TTC31: variants seen among roughly 807,000 people sequenced by gnomAD.
The protein encoded by TTC31 is tetratricopeptide repeat protein 31.
In TTC31, 59 loss-of-function variants were observed where a neutral mutation model predicts 60.4. The ratio of observed to expected loss-of-function variants is 0.98; its 90% CI spans 0.79 to 1.21. TTC31 has a LOEUF of 1.21. TTC31 is among the 50% of genes most tolerant of loss of function. TTC31 has a pLI of 0.00. For synonymous variants in TTC31, 225 were observed against 249.6 expected, an observed-to-expected ratio of 0.90 and a Z score of 0.93; for missense variants, 672 against 646.9, an observed-to-expected ratio of 1.04 and a Z score of -0.42.
chr2:74,485,715 C>A (rs1364228914), intron 2 of TTC31, among the ~76,000 whole-genome samples: 2 of 151,984 alleles, frequency 1.3e-5, no homozygotes, highest in South Asian at 4.1e-4. Flanking sequence ...TGTGATCCGC[C>A]CACCTCAGCC....
Position 74,492,072 on chromosome 2 carries a change from C to G in TTC31, c.928+17C>G, listed in dbSNP as rs1673965661. On this transcript the variant is annotated intron_variant, in intron 9 of 12. Coordinates refer to ENST00000233623, the MANE Select transcript of TTC31 (RefSeq NM_022492.6). Reference sequence around the variant, plus strand: ...AACTGGCAAGTGAGATCCTTTCTCTCTCCGTCCTCACCCCACCCTCCCTGG... The same window carrying G: ...AACTGGCAAGTGAGATCCTTTCTCTGTCCGTCCTCACCCCACCCTCCCTGG... 1 of 1,614,204 alleles carries G rather than the reference C, an allele frequency of 6.2e-7. No homozygotes were observed. The highest frequency in any genetic ancestry group is 8.5e-7 in the Non-Finnish European group (1 of 1,179,994).
intron 2 of TTC31, among the ~76,000 whole-genome samples, chr2:74,487,208 C>T (rs1673221184): frequency 6.6e-6 from 1 of 152,156 alleles, no homozygotes; most frequent in African/African-American, 2.4e-5. Context: ...AGTAGAAGGT[C>T]AAGGAAGTAC....
Position 74,490,268 on chromosome 2 carries a change from A to T in TTC31, c.257A>T (p.Asp86Val). 6.2e-7 allele frequency: 1 copy of T among 1,613,996 alleles called. No homozygotes were observed. Among genetic ancestry groups the T allele is most frequent in the Non-Finnish European group, 8.5e-7 (1 of 1,179,946 alleles). The change falls in exon 4 of 13, where the codon GAT becomes GTT. Residue 86 changes from aspartate (D) to valine (V), a missense_variant. Coordinates refer to ENST00000233623, the MANE Select transcript of TTC31 (RefSeq NM_022492.6). ...GATTACCTCCTGGGCCACTTGGATG[A>T]TGAAGGGAAATCAACTGGACAGAGT... ...HHDYLLGHLD[D>V]EGKSTGQSDR... is the part of the protein sequence containing the mutation.
Position 74,491,635 on chromosome 2 carries a change from C to G in TTC31, c.839C>G (p.Pro280Arg). The change falls in exon 8 of 13, where the codon CCA (proline) becomes CGA (arginine). Residue 280 changes from proline (P) to arginine (R), a missense_variant. By Grantham distance (103) the Pro-to-Arg change is moderately radical. Coordinates refer to ENST00000233623, the MANE Select transcript of TTC31 (RefSeq NM_022492.6). The stretch of plus-strand genomic sequence containing the variant: ...ATGGGTCAAGAGGAAGAGAGCCCTC[C>G]AAGAGAGGAGAGGCCCCAGCAGAGT... ...QKMGQEEESPPREERPQQSPK... is the reference protein window; with the variant it reads ...QKMGQEEESPRREERPQQSPK... 1 of 1,614,170 alleles carries G rather than the reference C, an allele frequency of 6.2e-7. No homozygotes were observed.
At position 74,493,326 on chromosome 2, in the gene TTC31, T is replaced by A. The variant is rs951563224; in HGVS notation, c.*108T>A. The A allele has an allele frequency of 1.7e-5, 20 of 1,143,334 alleles. No homozygotes were observed. The highest frequency in any genetic ancestry group is 2.3e-5 in the Non-Finnish European group (19 of 820,338). 70.8% of individuals were successfully genotyped at this position (1,143,334 alleles called of 1,614,324 possible). A position where few individuals can be genotyped will look rare whatever the true frequency, so the allele number is the denominator to read the frequency against. ...TTTGAGACCTTATTCTCTAGATCCA[T>A]AGTTAATGATGCCCTGGCAGTCATT... On this transcript the variant is annotated 3_prime_UTR_variant, in exon 13 of 13. Transcript: ENST00000233623.
intron 12 of TTC31, 82 bp downstream of exon 12, chr2:74,492,829 CTAAGGAG>C: frequency 1.3e-6 from 2 of 1,590,344 alleles, no homozygotes; most frequent in Non-Finnish European, 1.7e-6. Context: ...CCTCAGGTGG[CTAAGGAG>C]GGGGCGGGGA....
At position 74,483,402 on chromosome 2, in the gene TTC31, G is replaced by C. The variant is rs576108592; in HGVS notation, c.121G>C (p.Gly41Arg). The C allele has an allele frequency of 2.5e-6, 4 of 1,614,200 alleles. No homozygotes were observed. The highest frequency in any genetic ancestry group is 3.4e-6 in the Non-Finnish European group (4 of 1,180,038). ...CAAGGAATTCGGTCCAGAGGATTACGGCGAAGAGGTAAAAGCGACCCTCAG... is the reference window on the plus strand; with the variant it reads ...CAAGGAATTCGGTCCAGAGGATTACCGCGAAGAGGTAAAAGCGACCCTCAG... ...LCKEFGPEDY[G>R]EEDIVDFLRR... Residue 41 changes from glycine (G) to arginine (R), a missense_variant, in exon 2 of 13, where the codon GGC becomes CGC. Physicochemically the swap from Gly to Arg is moderately radical, Grantham distance 125. Transcript: ENST00000233623.
At chr2:74,486,514 A>G (rs1421217896) in intron 2 of TTC31, among the ~76,000 whole-genome samples, 1 of 152,256 alleles carries the variant, frequency 6.6e-6, no homozygotes, top group East Asian at 1.9e-4. Context: ...TAAACAACAT[A>G]GTATGTCAAA....
chr2:74,483,747 C>T (rs754320500), intron 2 of TTC31: 18 of 497,940 alleles, frequency 3.6e-5, no homozygotes, highest in Non-Finnish European at 5.6e-5. Context: ...GAGGCTGAGA[C>T]GGGAGGATTG....
At chr2:74,487,141 T>A (rs1673213004) in intron 2 of TTC31, among the ~76,000 whole-genome samples, 2 of 152,228 alleles carry the variant, frequency 1.3e-5, no homozygotes, top group South Asian at 2.1e-4. Flanking sequence ...CCAGATCATA[T>A]GTAGTGGCCA....
At position 74,491,970 on chromosome 2, in the gene TTC31, T is replaced by C; in HGVS notation, c.877-34T>C. ...AGAAGGATTTGGGGAGGCTGAGACCTCAAGACCTGCTTGACTTTGCACCCT... is the reference window on the plus strand; with the variant it reads ...AGAAGGATTTGGGGAGGCTGAGACCCCAAGACCTGCTTGACTTTGCACCCT... On this transcript the variant is annotated intron_variant, in intron 8 of 12. Transcript: ENST00000233623. 3 of 1,614,066 alleles carry C rather than the reference T, an allele frequency of 1.9e-6. No individual in the cohort carries two copies. In the South Asian group the frequency reaches 3.3e-5, roughly 18 times the overall value.
Position 74,493,316 on chromosome 2 carries a change from T to G in TTC31, c.*98T>G. The G allele has an allele frequency of 8.0e-7, 1 of 1,254,092 alleles. No individual in the cohort carries two copies. The highest frequency in any genetic ancestry group is 1.1e-6 in the Non-Finnish European group (1 of 910,368). 77.7% of individuals were successfully genotyped at this position (1,254,092 alleles called of 1,614,324 possible). The stretch of plus-strand genomic sequence containing the variant: ...CACTGCATATTTTGAGACCTTATTC[T>G]CTAGATCCATAGTTAATGATGCCCT... On this transcript the variant is annotated 3_prime_UTR_variant, in exon 13 of 13. Coordinates refer to ENST00000233623, the MANE Select transcript of TTC31 (RefSeq NM_022492.6).
At chr2:74,487,941 A>G (rs1158537838) in intron 2 of TTC31, among the ~76,000 whole-genome samples, 2 of 152,072 alleles carry the variant, frequency 1.3e-5, no homozygotes, top group Non-Finnish European at 2.9e-5. Flanking sequence ...TGGCCTCCCA[A>G]AGTGCTGGGA....
Position 74,490,728 on chromosome 2 carries a change from C to G in TTC31, c.535C>G (p.Leu179Val), listed in dbSNP as rs916893537. 6.2e-7 allele frequency: 1 copy of G among 1,613,080 alleles called. No homozygotes were observed. The highest frequency in any genetic ancestry group is 1.3e-5 in the African/African-American group (1 of 74,962). Residue 179 changes from leucine to valine, a missense_variant, in exon 5 of 13, where the codon CTC (leucine) becomes GTC (valine). Coordinates refer to ENST00000233623, the MANE Select transcript of TTC31 (RefSeq NM_022492.6). The part of the protein sequence containing the change: ...RMKQKAEKKR[L>V]KKKRQKERKR... Reference sequence around the variant, plus strand: ...GAAACAGAAAGCAGAGAAAAAGCGACTCAAGAAGAAGGTGGCTAGAGCATG... The same window carrying G: ...GAAACAGAAAGCAGAGAAAAAGCGAGTCAAGAAGAAGGTGGCTAGAGCATG...
In TTC31 at chr2:74,492,330, A is replaced by G. The variant is rs200969062; in HGVS notation, c.1046A>G (p.His349Arg). Residue 349 changes from histidine (H) to arginine (R), a missense_variant, in exon 11 of 13, where the codon CAT (histidine) becomes CGT (arginine). Coordinates refer to ENST00000233623, the MANE Select transcript of TTC31 (RefSeq NM_022492.6). ...TTATTTGGAAATCGTTCCTTCTGCC[A>G]TGAGCGGTTGGGTCAGCCAGCGTGG... ...HRLFGNRSFC[H>R]ERLGQPAWAL... 1,970 of 1,583,166 alleles carry G rather than the reference A, an allele frequency of 1.2e-3. 2 individuals carry two copies. Among genetic ancestry groups the G allele is most frequent in the Middle Eastern group, 5.2e-3 (31 of 5,928 alleles).
rs563170205 is a variant in TTC31 at position 74,483,698 on chromosome 2, C to T, written c.129+288C>T. The stretch of plus-strand genomic sequence containing the variant: ...GAGTTCCTTGGGAAAAGATGGAGGC[C>T]GGGCGCGGTGGCTTGTGCCTGTAAT... On this transcript the variant is annotated intron_variant, in intron 2 of 12. Transcript: ENST00000233623. 8.4e-5 allele frequency: 91 copies of T among 1,084,110 alleles called. No homozygotes were observed. The African/African-American group carries it at 1.0e-3, about 12-fold the overall frequency. The allele number at this position is 1,084,110 out of a possible 1,614,324, so 67.2% of individuals were successfully genotyped here. A position where few individuals can be genotyped will look rare whatever the true frequency, so the allele number is the denominator to read the frequency against.
Position 74,483,371 on chromosome 2 carries a change from A to G in TTC31, c.90A>G (p.Lys30=). The G allele has an allele frequency of 6.2e-7, 1 of 1,614,112 alleles. No homozygotes were observed. The stretch of plus-strand genomic sequence containing the variant: ...CACTGGAGGTCGCTGCTGCACCCAA[A>G]CTTTGCAAGGAATTCGGTCCAGAGG... ...SCPLEVAAAP[K]LCKEFGPEDY... Residue 30 remains lysine (K), a synonymous_variant, in exon 2 of 13, where the codon AAA becomes AAG. Coordinates refer to ENST00000233623, the MANE Select transcript of TTC31 (RefSeq NM_022492.6).
intron 4 of TTC31, 53 bp from the exon 5 acceptor site, chr2:74,490,603 C>G: frequency 1.3e-6 from 2 of 1,589,028 alleles, no homozygotes; most frequent in Admixed American, 1.8e-5. Flanking sequence ...TTCATGTTTG[C>G]TCTCCATTTC....
Position 74,491,665 on chromosome 2 carries a change from A to G in TTC31, c.869A>G (p.Lys290Arg). 6.2e-7 allele frequency: 1 copy of G among 1,614,056 alleles called. No individual in the cohort carries two copies. Among genetic ancestry groups the G allele is most frequent in the African/African-American group, 1.3e-5 (1 of 75,042 alleles). ...GAGGAGAGGCCCCAGCAGAGTCCAA[A>G]GGTACAGGTGAGGTGGCTGAAGAAC... ...PREERPQQSP[K>R]VQASPGLLAA... The change falls in exon 8 of 13, where the codon AAG (lysine) becomes AGG (arginine). Residue 290 changes from lysine to arginine, a missense_variant. Lys to Arg is a conservative substitution (Grantham distance 26, BLOSUM62 2). Coordinates refer to ENST00000233623, the MANE Select transcript of TTC31 (RefSeq NM_022492.6).
Sources: allele counts gnomAD v4.1 joint callset (sites outside exome capture counted in the v4.1 genomes callset), GRCh38; gene constraint gnomAD v4.1.1; transcripts MANE v1.5; gene names NCBI Gene and HGNC (gene_info 2026-07-23, HGNC 2026-07-21).